Variants in SCP2 observed in about 807,000 individuals in gnomAD.
SCP2 encodes the protein SCP-2/3-oxoacyl-CoA thiolase.
In SCP2, 48 loss-of-function variants were observed where a neutral mutation model predicts 71.4. The ratio of observed to expected loss-of-function variants is 0.67; its 90% CI spans 0.53 to 0.86. The LOEUF is 0.86. Among genes scored for constraint, SCP2 ranks in the 40% least tolerant of loss-of-function variants. The probability of loss-of-function intolerance (pLI) is 0.00; values close to 1 mark genes in which losing one functional copy is unlikely to be tolerated. For missense variants in SCP2, 560 were observed against 655.6 expected (o/e 0.85, Z 1.59); for synonymous variants, 220 against 218.1 (o/e 1.01, Z -0.08).
intron 13 of SCP2, among the ~76,000 whole-genome samples, chr1:53,036,083 ACAAT>A (rs1165171682): frequency 4.6e-5 from 7 of 151,178 alleles, no homozygotes; most frequent in Non-Finnish European, 8.8e-5. Context: ...CTTGTTGATA[ACAAT>A]CAACAGGATA....
intron 6 of SCP2, among the ~76,000 whole-genome samples, chr1:52,966,351 A>T (rs1656954155): frequency 6.6e-6 from 1 of 151,726 alleles, no homozygotes; most frequent in Non-Finnish European, 1.5e-5. Flanking sequence ...GTATCTATGG[A>T]GATAATTGCA....
At chr1:53,041,582 A>G (rs1433631554) in intron 14 of SCP2, among the ~76,000 whole-genome samples, 1 of 152,176 alleles carries the variant, frequency 6.6e-6, no homozygotes, top group African/African-American at 2.4e-5. Flanking sequence ...GAGAGATCAG[A>G]AACAGAGAGA....
At chr1:52,948,312 T>C (rs1654984780) in intron 3 of SCP2, among the ~76,000 whole-genome samples, 1 of 152,244 alleles carries the variant, frequency 6.6e-6, no homozygotes, top group Non-Finnish European at 1.5e-5. Context: ...TTTCTTTTGG[T>C]GACTATTCCA....
intron 6 of SCP2, among the ~76,000 whole-genome samples, chr1:52,968,921 T>C (rs543422507): frequency 6.6e-6 from 1 of 152,198 alleles, no homozygotes; most frequent in African/African-American, 2.4e-5. Context: ...ATGCTCATAA[T>C]AAAGTAAGCT....
chr1:52,975,075 G>A (rs1160169616), intron 7 of SCP2, among the ~76,000 whole-genome samples: 2 of 151,842 alleles, frequency 1.3e-5, no homozygotes, highest in Non-Finnish European at 2.9e-5. Flanking sequence ...TTGAGACAGA[G>A]CCTCGCTGTG....
intron 6 of SCP2, among the ~76,000 whole-genome samples, chr1:52,972,057 GTTTC>G (rs1195821035): frequency 6.6e-6 from 1 of 152,128 alleles, no homozygotes; most frequent in Non-Finnish European, 1.5e-5. Context: ...TGGGGGTATT[GTTTC>G]TTTATTCTTC....
At chr1:52,963,594 A>G (rs1253864472) in intron 6 of SCP2, 1 of 152,204 alleles carries the variant, frequency 6.6e-6, no homozygotes. Flanking sequence ...CCTATGTTCC[A>G]TTCTATTTCT....
intron 6 of SCP2, among the ~76,000 whole-genome samples, chr1:52,971,229 G>A (rs1217480894): frequency 6.6e-6 from 1 of 152,084 alleles, no homozygotes; most frequent in Non-Finnish European, 1.5e-5. Context: ...ACCCGCCTCG[G>A]CCTCCCAAAG....
intron 11 of SCP2, among the ~76,000 whole-genome samples, chr1:53,004,800 G>A (rs1232882343): frequency 8.5e-5 from 13 of 152,180 alleles, no homozygotes; most frequent in Admixed American, 8.5e-4. Context: ...GCAGTCCACG[G>A]AGTATGAGCT....
At chr1:53,007,044 A>T (rs1370928796) in intron 11 of SCP2, among the ~76,000 whole-genome samples, 1 of 152,240 alleles carries the variant, frequency 6.6e-6, no homozygotes, top group African/African-American at 2.4e-5. Context: ...AGGCCATTAC[A>T]TAATGATAAA....
chr1:52,964,365 G>A (rs1340036286), intron 6 of SCP2, among the ~76,000 whole-genome samples: 3 of 151,310 alleles, frequency 2.0e-5, no homozygotes, highest in Non-Finnish European at 2.9e-5. Context: ...ACCACACATG[G>A]CATTTTTTGT....
At chr1:52,957,290 T>G (rs1231893902) in intron 5 of SCP2, among the ~76,000 whole-genome samples, 1 of 152,356 alleles carries the variant, frequency 6.6e-6, no homozygotes, top group Middle Eastern at 3.4e-3. Flanking sequence ...AGTATCTATA[T>G]CTCCTGCCAT....
intron 11 of SCP2, chr1:52,993,913 A>G: frequency 7.1e-7 from 1 of 1,405,660 alleles, no homozygotes; most frequent in Non-Finnish European, 9.2e-7. Flanking sequence ...GCAAATCTTC[A>G]GCCCTATACT....
At chr1:53,010,090 A>G (rs953084386) in intron 11 of SCP2, among the ~76,000 whole-genome samples, 4 of 152,186 alleles carry the variant, frequency 2.6e-5, no homozygotes, top group African/African-American at 9.6e-5. Flanking sequence ...ACCATCTCAC[A>G]CCAGTTAGAA....
At chr1:52,999,016 G>A (rs1311615334) in intron 11 of SCP2, among the ~76,000 whole-genome samples, 4 of 151,972 alleles carry the variant, frequency 2.6e-5, no homozygotes, top group Non-Finnish European at 5.9e-5. Context: ...TAACATTTGA[G>A]TCTACACTGT....
At chr1:52,991,656 C>T (rs1323199521) in intron 11 of SCP2, among the ~76,000 whole-genome samples, 1 of 152,196 alleles carries the variant, frequency 6.6e-6, no homozygotes, top group Non-Finnish European at 1.5e-5. Flanking sequence ...GCCTCGGCCT[C>T]CCAAAGTGCT....
chr1:52,995,352 C>T, intron 11 of SCP2: 1 of 475,150 alleles, frequency 2.1e-6, no homozygotes. Flanking sequence ...TCTGCTCCCG[C>T]ACTTTGAAGC....
At chr1:53,011,774 T>C (rs1430717747) in intron 11 of SCP2, among the ~76,000 whole-genome samples, 1 of 152,218 alleles carries the variant, frequency 6.6e-6, no homozygotes, top group Non-Finnish European at 1.5e-5. Context: ...ATCGATTTGC[T>C]ATTTGGGGGA....
At chr1:52,967,512 G>T (rs570369784) in intron 6 of SCP2, among the ~76,000 whole-genome samples, 1 of 152,054 alleles carries the variant, frequency 6.6e-6, no homozygotes, top group African/African-American at 2.4e-5. Context: ...CTTGTCATTT[G>T]TTTATTTTGA....
Sources: gnomAD v4.1 joint callset for allele counts (sites outside exome capture counted in the v4.1 genomes callset) on GRCh38, gnomAD v4.1.1 for gene constraint, MANE v1.5 for transcripts, NCBI Gene and HGNC (gene_info 2026-07-23, HGNC 2026-07-21) for gene names.